The following ACACA variants were observed in gnomAD, a reference collection of about 807,000 sequenced individuals.
The protein encoded by ACACA is acetyl-CoA carboxylase 1.
In ACACA, 103 loss-of-function variants were observed where a neutral mutation model predicts 296.1. The observed-to-expected ratio is 0.35, with a 90% CI of 0.30 to 0.41. The LOEUF is 0.41. Among genes scored for constraint, ACACA ranks in the 10% least tolerant of loss-of-function variants. The probability of loss-of-function intolerance (pLI) is 1.00; values close to 1 mark genes in which losing one functional copy is unlikely to be tolerated. For missense variants in ACACA, 1,554 were observed against 2,989.7 expected (o/e 0.52, Z 11.20); for synonymous variants, 953 against 1,038.6 (o/e 0.92, Z 1.58).
intron 9 of ACACA, 65 bp downstream of exon 9, chr17:37,274,128 A>G: frequency 7.2e-7 from 1 of 1,388,956 alleles, no homozygotes; most frequent in African/African-American, 1.4e-5. Context: ...CAGGCTCCCA[A>G]TCTCCACATT....
At chr17:37,214,591 C>A (rs1484480986) in intron 29 of ACACA, among the ~76,000 whole-genome samples, 1 of 152,172 alleles carries the variant, frequency 6.6e-6, no homozygotes, top group Non-Finnish European at 1.5e-5. Context: ...GGACCTTGGG[C>A]TACCCTAATG....
intron 47 of ACACA, 103 bp from the exon 48 acceptor site, chr17:37,125,897 A>C: frequency 9.3e-7 from 1 of 1,073,044 alleles, no homozygotes; most frequent in South Asian, 1.3e-5. Flanking sequence ...TATTTTGGGG[A>C]GTTTGTTGTT....
intron 45 of ACACA, among the ~76,000 whole-genome samples, chr17:37,146,990 G>C (rs919823439): frequency 1.3e-5 from 2 of 152,002 alleles, no homozygotes; most frequent in Non-Finnish European, 2.9e-5. Flanking sequence ...GTCAGGAGAC[G>C]TGCATTATCA....
At chr17:37,115,851 C>T (rs1164706465) in intron 50 of ACACA, among the ~76,000 whole-genome samples, 1 of 152,144 alleles carries the variant, frequency 6.6e-6, no homozygotes, top group East Asian at 1.9e-4. Flanking sequence ...ATTTAATCAT[C>T]AGAACATTAT....
In ACACA at chr17:37,390,271, A is replaced by AT. The variant is rs1285790911; in HGVS notation, c.38+15990_38+15991insA. Among the ~76,000 whole-genome samples, 40 of 51,022 alleles carry AT rather than the reference A, an allele frequency of 7.8e-4. 1 individual carries two copies. The highest frequency in any genetic ancestry group is 3.4e-3 in the African/African-American group (36 of 10,734). The allele number at this position is 51,022 out of a possible 152,430, so 33.5% of individuals were successfully genotyped here. On this transcript the variant is annotated intron_variant, in intron 1 of 55. Transcript: ENST00000616317. ...ATATATATTATATATAATTATATAT[A>AT]ATATATTATATATAATTATATATTA...
At chr17:37,316,191 G>A (rs1282626602) in intron 3 of ACACA, among the ~76,000 whole-genome samples, 2 of 151,948 alleles carry the variant, frequency 1.3e-5, no homozygotes, top group Non-Finnish European at 2.9e-5. Context: ...CACCAACCAT[G>A]CTGCCCACCT....
intron 54 of ACACA, among the ~76,000 whole-genome samples, chr17:37,089,603 C>T (rs897722881): frequency 2.0e-5 from 3 of 152,114 alleles, no homozygotes; most frequent in African/African-American, 7.2e-5. Flanking sequence ...TGATGAGGCA[C>T]GGACGGGGAA....
At chr17:37,157,506 T>C (rs2076297314) in intron 42 of ACACA, among the ~76,000 whole-genome samples, 1 of 151,960 alleles carries the variant, frequency 6.6e-6, no homozygotes, top group Admixed American at 6.6e-5. Flanking sequence ...GTGATCTGAT[T>C]TATATTTTAA....
At chr17:37,324,810 G>A (rs2047525317) in intron 3 of ACACA, among the ~76,000 whole-genome samples, 1 of 148,028 alleles carries the variant, frequency 6.8e-6, no homozygotes, top group African/African-American at 2.5e-5. Flanking sequence ...ACTCCAGCCT[G>A]GGGAACAACA....
intron 54 of ACACA, among the ~76,000 whole-genome samples, chr17:37,090,661 C>G (rs894639315): frequency 6.6e-6 from 1 of 152,166 alleles, no homozygotes; most frequent in Non-Finnish European, 1.5e-5. Flanking sequence ...CCCCTATCCA[C>G]GAGGGAGAAG....
chr17:37,110,431 T>C (rs971556851), intron 52 of ACACA, among the ~76,000 whole-genome samples: 17 of 152,260 alleles, frequency 1.1e-4, no homozygotes, highest in Non-Finnish European at 2.1e-4. Context: ...CTCTCATTTC[T>C]TGTATGTGTG....
intron 27 of ACACA, among the ~76,000 whole-genome samples, chr17:37,224,263 A>C (rs1278708274): frequency 6.6e-6 from 1 of 152,134 alleles, no homozygotes; most frequent in Non-Finnish European, 1.5e-5. Context: ...CTAGATTTGA[A>C]CTCCAGTTGA....
intron 3 of ACACA, among the ~76,000 whole-genome samples, chr17:37,321,057 G>A (rs1017543228): frequency 4.6e-5 from 7 of 151,984 alleles, no homozygotes; most frequent in East Asian, 1.9e-4. Context: ...CAGAGTATCC[G>A]GCATACAGTA....
At chr17:37,221,595 G>C in intron 29 of ACACA, 129 bp downstream of exon 29, 1 of 830,674 alleles carries the variant, frequency 1.2e-6, no homozygotes, top group South Asian at 1.4e-5. Context: ...TTCTCTTTTG[G>C]TTCATATTGT....
chr17:37,184,555 A>G (rs1308864109), intron 39 of ACACA, among the ~76,000 whole-genome samples: 1 of 152,202 alleles, frequency 6.6e-6, no homozygotes. Context: ...ATTTCGATAA[A>G]TCCATTAAAT....
At chr17:37,120,777 G>A (rs568440612) in intron 50 of ACACA, among the ~76,000 whole-genome samples, 5 of 152,288 alleles carry the variant, frequency 3.3e-5, no homozygotes, top group South Asian at 2.1e-4. Flanking sequence ...AGGTTTCTCC[G>A]TAAATGGTGA....
At chr17:37,162,738 TC>T in intron 41 of ACACA, 1 of 214,240 alleles carries the variant, frequency 4.7e-6, no homozygotes, top group Admixed American at 5.7e-5. Context: ...CATTGTCAAG[TC>T]CCGTCTCTGG....
chr17:37,405,713 CG>C (rs948333489), intron 1 of ACACA, among the ~76,000 whole-genome samples: 21 of 152,032 alleles, frequency 1.4e-4, no homozygotes, highest in Non-Finnish European at 2.9e-4. Context: ...CCACCACACC[CG>C]CGTAATTTTT....
intron 33 of ACACA, among the ~76,000 whole-genome samples, chr17:37,201,999 A>G (rs2078270218): frequency 1.3e-5 from 2 of 152,350 alleles, no homozygotes; most frequent in Middle Eastern, 3.4e-3. Flanking sequence ...CAGGCCAAAT[A>G]TAAATAAATT....
Sources: gnomAD v4.1 joint callset for allele counts (sites outside exome capture counted in the v4.1 genomes callset) on GRCh38, gnomAD v4.1.1 for gene constraint, MANE v1.5 for transcripts, NCBI Gene and HGNC (gene_info 2026-07-23, HGNC 2026-07-21) for gene names.